Variants in GPALPP1 observed in about 807,000 individuals in gnomAD.
GPALPP1 encodes GPALPP motifs-containing protein 1.
Under a neutral mutation model 38.9 loss-of-function variants are expected in GPALPP1, and 30 were observed. The ratio of observed to expected loss-of-function variants is 0.77; its 90% CI spans 0.58 to 1.05. The LOEUF (loss-of-function observed/expected upper bound fraction) is 1.05, where lower values mean the gene tolerates loss of function less well. Among genes scored for constraint, GPALPP1 ranks in the 50% least tolerant of loss-of-function variants. GPALPP1 has a pLI of 0.00. For synonymous variants in GPALPP1, 120 were observed against 139.2 expected (o/e 0.86, Z 0.97); for missense variants, 384 against 408.8 (o/e 0.94, Z 0.52).
intron 1 of GPALPP1, among the ~76,000 whole-genome samples, chr13:44,998,765 T>C (rs1375354217): frequency 6.6e-6 from 1 of 152,200 alleles, no homozygotes; most frequent in Non-Finnish European, 1.5e-5. Context: ...AACCATGTCA[T>C]GGGGTCAGCA....
intron 4 of GPALPP1, among the ~76,000 whole-genome samples, chr13:45,013,029 T>C (rs1874589437): frequency 6.6e-6 from 1 of 152,186 alleles, no homozygotes; most frequent in South Asian, 2.1e-4. Flanking sequence ...TGGAACTTTA[T>C]CTTAACCTAC....
At chr13:45,008,902 C>G (rs184560700) in intron 4 of GPALPP1, 23 bp downstream of exon 4, 216 of 1,362,836 alleles carry the variant, frequency 1.6e-4, no homozygotes, top group Non-Finnish European at 2.0e-4. Flanking sequence ...CATTTCAACT[C>G]TAAGGTTTGG....
intron 7 of GPALPP1, among the ~76,000 whole-genome samples, chr13:45,025,528 TC>T (rs1441102004): frequency 1.3e-5 from 2 of 152,170 alleles, no homozygotes; most frequent in African/African-American, 4.8e-5. Context: ...ATTTATTGTT[TC>T]TTATATAGCC....
At chr13:44,992,177 T>G (rs1872850495) in intron 1 of GPALPP1, among the ~76,000 whole-genome samples, 1 of 152,244 alleles carries the variant, frequency 6.6e-6, no homozygotes, top group African/African-American at 2.4e-5. Context: ...TTTTTTCTTT[T>G]AAATCCGGTG....
intron 7 of GPALPP1, among the ~76,000 whole-genome samples, chr13:45,020,754 G>C (rs1875369546): frequency 6.6e-6 from 1 of 150,810 alleles, no homozygotes; most frequent in Middle Eastern, 3.4e-3. Flanking sequence ...TTATATGTCT[G>C]CCTCTTTACC....
intron 4 of GPALPP1, among the ~76,000 whole-genome samples, chr13:45,011,926 A>G (rs1480280523): frequency 6.6e-6 from 1 of 152,232 alleles, no homozygotes; most frequent in Admixed American, 6.5e-5. Flanking sequence ...TTTCCCTGCC[A>G]TGAACACAAA....
intron 1 of GPALPP1, chr13:44,990,045 A>G (rs1293037174): frequency 1.9e-6 from 1 of 513,526 alleles, no homozygotes; most frequent in Non-Finnish European, 3.4e-6. Context: ...CCGTATAAGA[A>G]AAAAACTATT....
At position 45,014,997 on chromosome 13, in the gene GPALPP1, G is replaced by A. The variant is rs200442730; in HGVS notation, c.454G>A (p.Ala152Thr). The A allele has an allele frequency of 8.7e-6, 14 of 1,605,996 alleles. No homozygotes were observed. The highest frequency in any genetic ancestry group is 8.0e-5 in the African/African-American group (6 of 74,678). The change falls in exon 5 of 8, where the codon GCA (alanine) becomes ACA (threonine). Residue 152 changes from alanine to threonine, a missense_variant. Ala to Thr is a moderately conservative substitution (Grantham distance 58). Transcript: ENST00000379151. ...TGAGGATATTATTGGACCAATGCCTGCAAAAGGACCAGTTAACTATAATGT... is the reference window on the plus strand; with the variant it reads ...TGAGGATATTATTGGACCAATGCCTACAAAAGGACCAGTTAACTATAATGT... Reference protein sequence around the residue: ...EDEDIIGPMPAKGPVNYNVTT... With the variant: ...EDEDIIGPMPTKGPVNYNVTT...
At chr13:45,019,083 A>T (rs9567517) in intron 6 of GPALPP1, among the ~76,000 whole-genome samples, 74,781 of 118,544 alleles carry the variant, frequency 0.63, 28,669 homozygotes, top group Non-Finnish European at 0.8. Context: ...ATACATATAA[A>T]TATATGTATA....
chr13:45,015,796 A>C (rs1046836420), intron 6 of GPALPP1, among the ~76,000 whole-genome samples, 200 bp downstream of exon 6: 1 of 152,226 alleles, frequency 6.6e-6, no homozygotes, highest in African/African-American at 2.4e-5. Context: ...TTTCCCAATA[A>C]ACGGTCTCAT....
At chr13:45,001,795 C>G (rs1231521802) in intron 1 of GPALPP1, 1 of 152,396 alleles carries the variant, frequency 6.6e-6, no homozygotes, top group African/African-American at 2.4e-5. Flanking sequence ...AATTCACCTG[C>G]CTCAGCCTCC....
chr13:45,009,064 G>T (rs976488231), intron 4 of GPALPP1, 185 bp downstream of exon 4: 52 of 675,438 alleles, frequency 7.7e-5, no homozygotes, highest in South Asian at 7.2e-4. Context: ...ATAAAAAGCT[G>T]TTCACAAACC....
intron 1 of GPALPP1, among the ~76,000 whole-genome samples, chr13:44,993,466 G>A (rs1199142208): frequency 1.3e-5 from 2 of 151,926 alleles, no homozygotes; most frequent in East Asian, 1.9e-4. Flanking sequence ...GTGAAACCTC[G>A]TCTTTACTAA....
downstream of GPALPP1, among the ~76,000 whole-genome samples, chr13:45,032,797 A>G (rs974041905): frequency 6.7e-6 from 1 of 150,032 alleles, no homozygotes; most frequent in African/African-American, 2.4e-5. Flanking sequence ...GCACTTTGGG[A>G]GGCCAAGGCA....
Position 45,004,335 on chromosome 13 carries a change from A to G in GPALPP1, c.119A>G (p.Lys40Arg), listed in dbSNP as rs1405910622. Residue 40 changes from lysine (K) to arginine (R), a missense_variant, in exon 2 of 8, where the codon AAA becomes AGA. Physicochemically the swap from Lys to Arg is conservative, Grantham distance 26. Transcript: ENST00000379151. The part of the protein sequence containing the change: ...VAGPALPPNY[K>R]SSSSDSSDSD... ...GGACCAGCTCTGCCCCCTAATTATAAAAGCAGTAGTTCAGATTCATCAGAC... is the reference window on the plus strand; with the variant it reads ...GGACCAGCTCTGCCCCCTAATTATAGAAGCAGTAGTTCAGATTCATCAGAC... 4 of 1,611,724 alleles carry G rather than the reference A, an allele frequency of 2.5e-6. No homozygotes were observed. The South Asian group carries it at 3.3e-5, about 13-fold the overall frequency.
chr13:45,028,043 A>T lies in GPALPP1; in HGVS notation c.*40A>T, dbSNP rs748501201. 1 of 999,752 alleles carries T rather than the reference A, an allele frequency of 1.0e-6. No individual in the cohort carries two copies. Among genetic ancestry groups the T allele is most frequent in the Non-Finnish European group, 1.6e-6 (1 of 640,836 alleles). 61.9% of individuals were successfully genotyped at this position (999,752 alleles called of 1,614,324 possible). On this transcript the variant is annotated 3_prime_UTR_variant, in exon 8 of 8. Transcript: ENST00000379151. ...GTGAGGTATATTTTAATACTGATCA[A>T]TGTGAACTTTTCTAAATACTCTATT... is the stretch of plus-strand genomic sequence containing the variant.
Position 45,006,207 on chromosome 13 carries a change from A to G in GPALPP1, c.227A>G (p.Gln76Arg). ...EDDSGPTARKQRKNQDDDDDD... is the reference protein window; with the variant it reads ...EDDSGPTARKRRKNQDDDDDD... The stretch of plus-strand genomic sequence containing the variant: ...TTATACTACTATGTTTTCAGAAAAC[A>G]GAGGAAAAATCAGGATGATGACGAT... The change falls in exon 3 of 8, where the codon CAG becomes CGG. Residue 76 changes from glutamine (Q) to arginine (R), a missense_variant. Coordinates refer to ENST00000379151, the MANE Select transcript of GPALPP1 (RefSeq NM_018559.5). 6.3e-7 allele frequency: 1 copy of G among 1,596,892 alleles called. No individual in the cohort carries two copies. Among genetic ancestry groups the G allele is most frequent in the Non-Finnish European group, 8.6e-7 (1 of 1,169,382 alleles).
chr13:44,996,354 CAAA>C (rs772383338), intron 1 of GPALPP1, among the ~76,000 whole-genome samples: 3 of 125,796 alleles, frequency 2.4e-5, no homozygotes, highest in Non-Finnish European at 3.4e-5. Flanking sequence ...GACCTTGTCG[CAAA>C]AAAAAAAAAA....
intron 1 of GPALPP1, among the ~76,000 whole-genome samples, chr13:45,000,208 A>G (rs923047007): frequency 2.0e-5 from 3 of 152,192 alleles, no homozygotes; most frequent in African/African-American, 7.2e-5. Flanking sequence ...CTTGAGGCCA[A>G]GCGTTCAAGA....
Sources: allele counts gnomAD v4.1 joint callset (sites outside exome capture counted in the v4.1 genomes callset), GRCh38; gene constraint gnomAD v4.1.1; transcripts MANE v1.5; gene names NCBI Gene and HGNC (gene_info 2026-07-23, HGNC 2026-07-21).